The following CHD6 variants were observed in gnomAD, a reference collection of about 807,000 sequenced individuals.
CHD6 encodes the protein chromodomain helicase DNA binding protein 6, also known as ATP-dependent chromatin remodeler CHD6.
CHD6 carries 50 observed loss-of-function variants against 276.9 expected under a neutral mutation model. That is an observed-to-expected ratio of 0.18 (90% CI 0.14 to 0.23). The LOEUF is 0.23. CHD6 is among the 10% of genes least tolerant of loss of function. The probability of loss-of-function intolerance (pLI) is 1.00; values close to 1 mark genes in which losing one functional copy is unlikely to be tolerated. For missense variants in CHD6, 2,564 were observed against 3,365.8 expected, an observed-to-expected ratio of 0.76 and a Z score of 5.89; for synonymous variants, 1,173 against 1,229.3, an observed-to-expected ratio of 0.95 and a Z score of 0.96.
intron 1 of CHD6, among the ~76,000 whole-genome samples, chr20:41,610,728 A>T (rs1488472373): frequency 6.6e-6 from 1 of 152,000 alleles, no homozygotes; most frequent in Non-Finnish European, 1.5e-5. Context: ...ACTGCACTCC[A>T]GCCTGGGTGA....
At chr20:41,545,533 G>A (rs369016060) in intron 2 of CHD6, among the ~76,000 whole-genome samples, 59 of 152,104 alleles carry the variant, frequency 3.9e-4, no homozygotes, top group African/African-American at 1.4e-3. Flanking sequence ...TGCAGGATGA[G>A]GCCAAAAAGT....
chr20:41,609,260 A>G (rs2045860753), intron 1 of CHD6, among the ~76,000 whole-genome samples: 1 of 152,188 alleles, frequency 6.6e-6, no homozygotes, highest in Non-Finnish European at 1.5e-5. Flanking sequence ...TGGGCAACGT[A>G]AGAGACCCAG....
At chr20:41,552,723 A>G (rs2045165265) in intron 1 of CHD6, among the ~76,000 whole-genome samples, 1 of 152,192 alleles carries the variant, frequency 6.6e-6, no homozygotes, top group South Asian at 2.1e-4. Flanking sequence ...GGCATTTTCT[A>G]TTAAAAGAAC....
chr20:41,432,522 C>T (rs988329614), intron 27 of CHD6, among the ~76,000 whole-genome samples: 2 of 152,070 alleles, frequency 1.3e-5, no homozygotes, highest in South Asian at 4.2e-4. Context: ...GAGAAACATC[C>T]CCTTTAGGGG....
rs373327619 is a variant in CHD6 at position 41,467,120 on chromosome 20, CCT to C, written c.2664+6200_2664+6201del. Among the ~76,000 whole-genome samples the C allele has an allele frequency of 5.0e-3, 765 of 152,164 alleles. 4 individuals are homozygous for C. Among genetic ancestry groups the C allele is most frequent in the Middle Eastern group, 0.024 (7 of 294 alleles). Reference sequence around the variant, plus strand: ...ACTTGTTAACTGAGAAAAATAAACCCCTGTTTGGGAGAGCCGAGGCCACAAGC... The same window carrying C: ...ACTTGTTAACTGAGAAAAATAAACCCGTTTGGGAGAGCCGAGGCCACAAGC... On this transcript the variant is annotated intron_variant, in intron 17 of 36. Coordinates refer to ENST00000373233, the MANE Select transcript of CHD6 (RefSeq NM_032221.5).
intron 24 of CHD6, 126 bp downstream of exon 24, chr20:41,447,756 C>A: frequency 1.8e-6 from 1 of 551,252 alleles, no homozygotes; most frequent in Non-Finnish European, 3.2e-6. Context: ...ATCTGGGACA[C>A]CGGTCCTGGG....
chr20:41,465,835 C>T (rs2042907122), intron 17 of CHD6, among the ~76,000 whole-genome samples: 1 of 152,166 alleles, frequency 6.6e-6, no homozygotes, highest in Non-Finnish European at 1.5e-5. Flanking sequence ...GTCAAATACA[C>T]AAAACAGCAT....
intron 26 of CHD6, among the ~76,000 whole-genome samples, chr20:41,437,835 C>T (rs2145582662): frequency 6.6e-6 from 1 of 151,848 alleles, no homozygotes; most frequent in Middle Eastern, 3.4e-3. Context: ...GTTTTTCCCT[C>T]CCTTGTGGGA....
rs1351604234 is a variant in CHD6 at position 41,404,991 on chromosome 20, C to T, written c.7750G>A (p.Ala2584Thr). 1.2e-6 allele frequency: 2 copies of T among 1,614,234 alleles called. No homozygotes were observed. The highest frequency in any genetic ancestry group is 2.2e-5 in the South Asian group (2 of 91,080). ...SSHDVKTDTL[A>T]EDKPGPGPFS... ...GGACCTGGACCAGGCTTGTCCTCAG[C>T]TAAAGTGTCTGTTTTCACATCATGG... is the stretch of plus-strand genomic sequence containing the variant. The change falls in exon 37 of 37, where the codon GCT becomes ACT. Residue 2584 changes from alanine (A) to threonine (T), a missense_variant. Coordinates refer to ENST00000373233, the MANE Select transcript of CHD6 (RefSeq NM_032221.5).
intron 1 of CHD6, among the ~76,000 whole-genome samples, chr20:41,589,203 T>C (rs1465741411): frequency 6.6e-6 from 1 of 152,232 alleles, no homozygotes; most frequent in Admixed American, 6.5e-5. Flanking sequence ...AATTAGGTAT[T>C]GATGGGACAT....
intron 36 of CHD6, among the ~76,000 whole-genome samples, chr20:41,408,278 G>A (rs971774202): frequency 1.3e-5 from 2 of 152,060 alleles, no homozygotes; most frequent in Non-Finnish European, 2.9e-5. Context: ...TGAGAACACA[G>A]GCCCTGTGGT....
intron 7 of CHD6, 76 bp downstream of exon 7, chr20:41,498,092 G>T (rs2043731922): frequency 9.9e-7 from 1 of 1,005,846 alleles, no homozygotes; most frequent in Non-Finnish European, 1.6e-6. Context: ...AGATGTAGAA[G>T]ATAATAAAGT....
chr20:41,499,708 G>A (rs377046716), intron 5 of CHD6, among the ~76,000 whole-genome samples: 1 of 152,078 alleles, frequency 6.6e-6, no homozygotes, highest in African/African-American at 2.4e-5. Context: ...TAAGAGTATG[G>A]GGTCTTAAAA....
intron 5 of CHD6, among the ~76,000 whole-genome samples, chr20:41,504,077 CAAAAAAAAAAAA>C (rs1189323419): frequency 2.2e-4 from 6 of 27,096 alleles, no homozygotes; most frequent in Non-Finnish European, 3.5e-4. Flanking sequence ...GACTCTGTCT[CAAAAAAAAAAAA>C]AAAAAAAAAA....
At chr20:41,591,083 G>C (rs1443771694) in intron 1 of CHD6, among the ~76,000 whole-genome samples, 57 of 151,804 alleles carry the variant, frequency 3.8e-4, no homozygotes, top group African/African-American at 1.2e-3. Context: ...AAGCTGGAAA[G>C]CATCATTCTC....
At chr20:41,495,305 C>T (rs1308813380) in intron 8 of CHD6, among the ~76,000 whole-genome samples, 1 of 152,134 alleles carries the variant, frequency 6.6e-6, no homozygotes, top group Non-Finnish European at 1.5e-5. Context: ...CCATCATTTG[C>T]AACAACATGG....
intron 5 of CHD6, among the ~76,000 whole-genome samples, chr20:41,512,438 C>CTCTA (rs1370407998): frequency 2.6e-5 from 4 of 151,756 alleles, no homozygotes. Flanking sequence ...GGAAGAACCT[C>CTCTA]TCTAAGGAGA....
rs1353005379 is a variant in CHD6, at chr20:41,487,763, C to T, written c.1903G>A (p.Glu635Lys). The T allele has an allele frequency of 6.2e-7, 1 of 1,611,572 alleles. No individual in the cohort carries two copies. Among genetic ancestry groups the T allele is most frequent in the Non-Finnish European group, 8.5e-7 (1 of 1,179,328 alleles). ...LTGTPLQNSVEELFSLLNFLE... is the reference protein window; with the variant it reads ...LTGTPLQNSVKELFSLLNFLE... ...AAATTTAACAAACTGAAGAGCTCCT[C>T]CACAGAGTTCTGCAAGGGTGTTCCA... is the stretch of plus-strand genomic sequence containing the variant. The change falls in exon 14 of 37, where the codon GAG becomes AAG. Residue 635 changes from glutamate (E) to lysine (K), a missense_variant. By Grantham distance (56) the Glu-to-Lys change is moderately conservative. This residue lies in a region of CHD6 where 457 missense variants were observed against 889.0 expected (regional missense o/e 0.51). Coordinates refer to ENST00000373233, the MANE Select transcript of CHD6 (RefSeq NM_032221.5).
chr20:41,489,703 T>A, intron 12 of CHD6, 75 bp downstream of exon 12: 2 of 1,588,240 alleles, frequency 1.3e-6, no homozygotes, highest in Non-Finnish European at 1.7e-6. Flanking sequence ...GCACTGGAAC[T>A]TCTGAAGATA....
Sources: gnomAD v4.1 joint callset for allele counts (sites outside exome capture counted in the v4.1 genomes callset) on GRCh38, gnomAD v4.1.1 for gene constraint, gnomAD v4.1.1 regional missense constraint, MANE v1.5 for transcripts, NCBI Gene and HGNC (gene_info 2026-07-23, HGNC 2026-07-21) for gene names.